The following HSPA14 variants were observed in gnomAD, a reference collection of about 807,000 sequenced individuals.
The protein encoded by HSPA14 is heat shock protein family A (Hsp70) member 14, also known as heat shock 70 kDa protein 14.
A neutral mutation model predicts 65.5 loss-of-function variants in HSPA14; 37 were observed. The observed-to-expected ratio is 0.56, with a 90% confidence interval of 0.43 to 0.74. HSPA14 has a LOEUF of 0.74. Among genes scored for constraint, HSPA14 ranks in the 30% least tolerant of loss-of-function variants. The pLI is 0.00. For synonymous variants in HSPA14, 203 were observed against 214.2 expected (o/e 0.95, Z 0.46); for missense variants, 564 against 607.6 (o/e 0.93, Z 0.75).
rs1374533748 is a variant in HSPA14 at position 14,848,672 on chromosome 10, G to A, written c.270+15G>A. 2.5e-6 allele frequency: 4 copies of A among 1,593,956 alleles called. No homozygotes were observed. In the African/African-American group the frequency reaches 4.0e-5, roughly 16 times the overall value. ...GTAAATGTTTAGTGAGTATGGTTCT[G>A]TTATTGCTTCCCTGTTACATAGAGT... On this transcript the variant is annotated intron_variant, in intron 4 of 13. Transcript: ENST00000378372.
intron 13 of HSPA14, 68 bp downstream of exon 13, chr10:14,870,735 A>G: frequency 7.6e-7 from 1 of 1,322,862 alleles, no homozygotes; most frequent in Non-Finnish European, 1.0e-6. Context: ...GAGTTTATTG[A>G]TTTTTTTATT....
intron 5 of HSPA14, among the ~76,000 whole-genome samples, chr10:14,849,195 G>A (rs1383169243): frequency 6.6e-6 from 1 of 152,182 alleles, no homozygotes; most frequent in Admixed American, 6.5e-5. Flanking sequence ...CTTCAAGATC[G>A]ACAGTATACT....
chr10:14,861,759 AC>A (rs1469463160), intron 10 of HSPA14, among the ~76,000 whole-genome samples: 1 of 151,984 alleles, frequency 6.6e-6, no homozygotes, highest in Admixed American at 6.6e-5. Context: ...CACACCTGTA[AC>A]CCCAGCACAT....
intron 3 of HSPA14, chr10:14,845,120 A>G: frequency 1.0e-6 from 1 of 985,412 alleles, no homozygotes; most frequent in Non-Finnish European, 1.2e-6. Context: ...AGCCTCCTCC[A>G]CACCCCAGAC....
chr10:14,848,256 C>G (rs974073335), intron 3 of HSPA14, among the ~76,000 whole-genome samples: 1 of 152,172 alleles, frequency 6.6e-6, no homozygotes, highest in Non-Finnish European at 1.5e-5. Flanking sequence ...ACTTTCTCAT[C>G]TCAGTGGTTG....
intron 10 of HSPA14, 115 bp from the exon 11 acceptor site, chr10:14,866,968 C>CT (rs1294667729): frequency 5.1e-5 from 35 of 682,846 alleles, no homozygotes; most frequent in Admixed American, 7.6e-5. Context: ...ATATATAGGG[C>CT]TTTTTTTGTA....
At position 14,842,680 on chromosome 10, in the gene HSPA14, G is replaced by A. The variant is rs1424819055; in HGVS notation, c.221+2523G>A. The A allele has an allele frequency of 1.8e-5, 28 of 1,536,272 alleles. No individual in the cohort carries two copies. Among genetic ancestry groups the A allele is most frequent in the Non-Finnish European group, 2.4e-5 (28 of 1,146,956 alleles). ...ACTTAGTGGCCTCTGACGCCCCAGGGGAAGAGGGAACCGGCATTCTAAAAT... is the reference window on the plus strand; with the variant it reads ...ACTTAGTGGCCTCTGACGCCCCAGGAGAAGAGGGAACCGGCATTCTAAAAT... On this transcript the variant is annotated intron_variant, in intron 3 of 13. Transcript: ENST00000378372. The surrounding 1 kb of genome is among the most constrained non-coding windows in gnomAD (Gnocchi z 5.2).
intron 7 of HSPA14, 126 bp from the exon 8 acceptor site, chr10:14,852,244 A>T: frequency 2.7e-6 from 2 of 736,522 alleles, no homozygotes; most frequent in Non-Finnish European, 4.5e-6. Context: ...TAGACAACTT[A>T]GTTATTCACC....
At chr10:14,868,083 AAG>A (rs1832822622) in intron 12 of HSPA14, among the ~76,000 whole-genome samples, 174 bp downstream of exon 12, 1 of 152,154 alleles carries the variant, frequency 6.6e-6, no homozygotes, top group Admixed American at 6.5e-5. Context: ...TCATTTTTGA[AAG>A]AGGGAAAAAA....
At chr10:14,864,293 G>GT (rs1381055781) in intron 10 of HSPA14, among the ~76,000 whole-genome samples, 14 of 113,898 alleles carry the variant, frequency 1.2e-4, no homozygotes, top group African/African-American at 4.1e-4. Flanking sequence ...GGTTTTCTTT[G>GT]TTTTTTTGCA....
At position 14,854,210 on chromosome 10, in the gene HSPA14, A is replaced by T. The variant is rs1366766737; in HGVS notation, c.820A>T (p.Thr274Ser). 4 of 1,613,854 alleles carry T rather than the reference A, an allele frequency of 2.5e-6. No individual in the cohort carries two copies. The highest frequency in any genetic ancestry group is 3.3e-4 in the Middle Eastern group (2 of 6,062). ...TGAAGTAGCGAAACATTCTTTGTCA[A>T]CCTTGGGAAGTGCCAACTGTTTTCT... The part of the protein sequence containing the change: ...SAEVAKHSLS[T>S]LGSANCFLDS... Residue 274 changes from threonine to serine, a missense_variant, in exon 9 of 14, where the codon ACC (threonine) becomes TCC (serine). Thr to Ser is a moderately conservative substitution (Grantham distance 58). Transcript: ENST00000378372.
chr10:14,854,950 T>C (rs1834135669), intron 9 of HSPA14, among the ~76,000 whole-genome samples: 1 of 152,238 alleles, frequency 6.6e-6, no homozygotes, highest in Non-Finnish European at 1.5e-5. Context: ...TGGACAGCTA[T>C]GCTCCAGATC....
Position 14,867,150 on chromosome 10 carries a change from C to CT in HSPA14, c.1062dup (p.Val355CysfsTer2). On this transcript the variant is annotated frameshift_variant, in exon 11 of 14. Coordinates refer to ENST00000378372, the MANE Select transcript of HSPA14 (RefSeq NM_016299.4). LOFTEE classifies it high-confidence loss of function. ...CAACTGATTAAAGATCTTTTCCCAG[C>CT]TGTTGAGCTTCTCAATTCTATCCCT... is the stretch of plus-strand genomic sequence containing the variant. The CT allele has an allele frequency of 6.2e-7, 1 of 1,613,782 alleles. No individual in the cohort carries two copies. The highest frequency in any genetic ancestry group is 8.5e-7 in the Non-Finnish European group (1 of 1,179,786).
At chr10:14,845,646 T>A (rs1038617569) in intron 3 of HSPA14, 13 of 583,712 alleles carry the variant, frequency 2.2e-5, no homozygotes, top group Non-Finnish European at 2.6e-5. Context: ...CAGGCTGGGG[T>A]GCAGTGGTGC....
At chr10:14,854,402 T>G in intron 9 of HSPA14, 122 bp downstream of exon 9, 3 of 746,810 alleles carry the variant, frequency 4.0e-6, no homozygotes, top group Non-Finnish European at 6.4e-6. Flanking sequence ...CTATAATGTC[T>G]TCACTTTATT....
Position 14,845,356 on chromosome 10 carries a change from C to T in HSPA14, c.222-3253C>T, listed in dbSNP as rs1378399177. ...GGGGGAGGTTTTATTTTCTATCTTG[C>T]AGGCTCGAGTGCTTAGCTAAATGCT... is the stretch of plus-strand genomic sequence containing the variant. On this transcript the variant is annotated intron_variant, in intron 3 of 13. Transcript: ENST00000378372. The T allele has an allele frequency of 5.3e-5, 52 of 985,176 alleles. No individual in the cohort carries two copies. The Admixed American group carries it at 1.5e-3, about 28-fold the overall frequency. The allele number at this position is 985,176 out of a possible 1,614,324, so 61.0% of individuals were successfully genotyped here.
Position 14,859,316 on chromosome 10 carries a change from T to C in HSPA14, c.993+3373T>C, listed in dbSNP as rs17156007. Among the ~76,000 whole-genome samples, 672 of 152,288 alleles carry C rather than the reference T, an allele frequency of 4.4e-3. 4 individuals are homozygous for C. Among genetic ancestry groups the C allele is most frequent in the African/African-American group, 0.015 (642 of 41,562 alleles). On this transcript the variant is annotated intron_variant, in intron 10 of 13. Transcript: ENST00000378372. ...AGCCCTTGTGTTTTCACTTCTGTGCTTCACCCTCGCTTTCTGTGGTGTTTG... is the reference window on the plus strand; with the variant it reads ...AGCCCTTGTGTTTTCACTTCTGTGCCTCACCCTCGCTTTCTGTGGTGTTTG...
rs117938670 is a variant in HSPA14 at position 14,846,793 on chromosome 10, G to A, written c.222-1816G>A. 1,262 of 985,428 alleles carry A rather than the reference G, an allele frequency of 1.3e-3. 24 individuals are homozygous for A. The South Asian group carries it at 0.033, about 25-fold the overall frequency. The allele number at this position is 985,428 out of a possible 1,614,324, so 61.0% of individuals were successfully genotyped here. On this transcript the variant is annotated intron_variant, in intron 3 of 13. Coordinates refer to ENST00000378372, the MANE Select transcript of HSPA14 (RefSeq NM_016299.4). ...ATTAGTGCTGGTGTGTGCCAAGCCCGTGGGCTGTTGACCGTAAGGGATATT... is the reference window on the plus strand; with the variant it reads ...ATTAGTGCTGGTGTGTGCCAAGCCCATGGGCTGTTGACCGTAAGGGATATT...
At chr10:14,849,915 T>C (rs1298159948) in intron 6 of HSPA14, 104 bp downstream of exon 6, 2 of 676,272 alleles carry the variant, frequency 3.0e-6, no homozygotes, top group East Asian at 2.7e-5. Flanking sequence ...GCGATAAAAT[T>C]GTATTTGTAA....
Sources: allele counts gnomAD v4.1 joint callset (sites outside exome capture counted in the v4.1 genomes callset), GRCh38; gene constraint gnomAD v4.1.1; non-coding constraint Gnocchi (gnomAD v3.1); transcripts MANE v1.5; gene names NCBI Gene and HGNC (gene_info 2026-07-23, HGNC 2026-07-21).